Variants in INPP4B observed in about 807,000 individuals in gnomAD.
INPP4B encodes the protein inositol polyphosphate 4-phosphatase type II.
INPP4B carries 55 observed loss-of-function variants against 122.5 expected under a neutral mutation model. That is an observed-to-expected ratio of 0.45 (90% CI 0.36 to 0.56). The LOEUF is 0.56. INPP4B is among the 20% of genes least tolerant of loss of function. The pLI is 0.00. For missense variants in INPP4B, 1,000 were observed against 1,097.7 expected, an observed-to-expected ratio of 0.91 and a Z score of 1.26; for synonymous variants, 403 against 388.7, an observed-to-expected ratio of 1.04 and a Z score of -0.43.
At chr4:142,720,817 A>G in intron 2 of INPP4B, among the ~76,000 whole-genome samples, 1 of 98,640 alleles carries the variant, frequency 1.0e-5, no homozygotes, top group Non-Finnish European at 2.0e-5. Context: ...CTCTATATAT[A>G]TATATATATA....
At chr4:142,541,764 A>G (rs1156332236) in intron 2 of INPP4B, among the ~76,000 whole-genome samples, 4 of 151,976 alleles carry the variant, frequency 2.6e-5, no homozygotes, top group Non-Finnish European at 5.9e-5. Context: ...CTCCTATATC[A>G]TGCTTGGCTT....
At chr4:142,158,541 T>A (rs1235464583) in intron 17 of INPP4B, among the ~76,000 whole-genome samples, 1 of 152,150 alleles carries the variant, frequency 6.6e-6, no homozygotes, top group Non-Finnish European at 1.5e-5. Flanking sequence ...CATAAGACAG[T>A]TCTGGACGTA....
chr4:142,172,575 C>T (rs988508041), intron 16 of INPP4B, among the ~76,000 whole-genome samples: 4 of 151,822 alleles, frequency 2.6e-5, no homozygotes, highest in African/African-American at 4.8e-5. Context: ...ACAATTCACT[C>T]GAACTTTCTG....
At chr4:142,420,511 T>A (rs567289069) in intron 5 of INPP4B, among the ~76,000 whole-genome samples, 3 of 152,236 alleles carry the variant, frequency 2.0e-5, no homozygotes, top group Admixed American at 2.0e-4. Flanking sequence ...CCGACAGATG[T>A]GTAAAGAAGC....
chr4:142,134,576 A>G (rs1043371568), intron 18 of INPP4B, among the ~76,000 whole-genome samples: 4 of 152,142 alleles, frequency 2.6e-5, no homozygotes, highest in Non-Finnish European at 4.4e-5. Flanking sequence ...CGGGCAGATC[A>G]CCTGAGGTCG....
intron 1 of INPP4B, among the ~76,000 whole-genome samples, chr4:142,806,770 AGAAAGAAAGAAAGAAGGAAAG>A (rs1778821195): frequency 1.2e-5 from 1 of 86,950 alleles, no homozygotes; most frequent in Non-Finnish European, 2.6e-5. Context: ...GAAAGAAGAA[AGAAAGAAAGAAAGAAGGAAAG>A]AAAGAAAGAA....
intron 7 of INPP4B, among the ~76,000 whole-genome samples, chr4:142,340,756 T>A (rs1778430941): frequency 6.6e-6 from 1 of 152,074 alleles, no homozygotes; most frequent in African/African-American, 2.4e-5. Context: ...AACCTCGGCT[T>A]TATTCTTCCC....
chr4:142,227,000 A>C (rs1389111613), intron 12 of INPP4B, among the ~76,000 whole-genome samples: 1 of 150,388 alleles, frequency 6.6e-6, no homozygotes, highest in Non-Finnish European at 1.5e-5. Context: ...CTGCAAGACA[A>C]ACAAACAGAA....
intron 14 of INPP4B, among the ~76,000 whole-genome samples, chr4:142,194,420 T>C (rs1212387663): frequency 6.6e-6 from 1 of 152,168 alleles, no homozygotes; most frequent in African/African-American, 2.4e-5. Flanking sequence ...TTTCAGGGTG[T>C]CCAAGAATGT....
At chr4:142,277,184 T>C (rs1486376137) in intron 9 of INPP4B, among the ~76,000 whole-genome samples, 2 of 151,886 alleles carry the variant, frequency 1.3e-5, no homozygotes, top group Admixed American at 6.6e-5. Context: ...ATTGTTCTTT[T>C]TTTTTTTTCT....
At chr4:142,273,359 G>A (rs1746812855) in intron 9 of INPP4B, among the ~76,000 whole-genome samples, 1 of 151,840 alleles carries the variant, frequency 6.6e-6, no homozygotes, top group Admixed American at 6.6e-5. Context: ...ATCGATATCT[G>A]AGACTATAGT....
chr4:142,388,008 G>A (rs1295591006), intron 7 of INPP4B, among the ~76,000 whole-genome samples: 2 of 152,176 alleles, frequency 1.3e-5, no homozygotes, highest in African/African-American at 2.4e-5. Flanking sequence ...TAATGTCTGT[G>A]CGACCTTTAT....
chr4:142,119,955 T>C lies in INPP4B; in HGVS notation c.2135+2173A>G, dbSNP rs1005646153. 5.8e-4 allele frequency among the ~76,000 whole-genome samples: 88 copies of C among 151,724 alleles called. 1 individual carries two copies. Among genetic ancestry groups the C allele is most frequent in the Non-Finnish European group, 1.0e-4 (7 of 67,872 alleles). On this transcript the variant is annotated intron_variant, in intron 21 of 25. Coordinates refer to ENST00000262992, the MANE Select transcript of INPP4B (RefSeq NM_001101669.3). ...CTAAACCCAACTTACAAATATTTCC[T>C]TCTGAGTTTTCTTCTAGAAGTTTCA...
At chr4:142,094,248 C>G (rs775078953) in intron 23 of INPP4B, among the ~76,000 whole-genome samples, 1 of 152,160 alleles carries the variant, frequency 6.6e-6, no homozygotes, top group Non-Finnish European at 1.5e-5. Context: ...GGGCTTTACA[C>G]AAATCCCCAG....
At chr4:142,694,375 A>G (rs36101393) in intron 2 of INPP4B, among the ~76,000 whole-genome samples, 16,352 of 151,554 alleles carry the variant, frequency 0.11, 862 homozygotes, top group African/African-American at 0.13. Flanking sequence ...TCGTCTCAAA[A>G]AAAAAAAACA....
At chr4:142,494,235 T>A (rs956993885) in intron 2 of INPP4B, among the ~76,000 whole-genome samples, 4 of 152,170 alleles carry the variant, frequency 2.6e-5, no homozygotes, top group Non-Finnish European at 4.4e-5. Flanking sequence ...GAAAACAGAC[T>A]AATACATGAC....
intron 12 of INPP4B, among the ~76,000 whole-genome samples, chr4:142,211,510 C>G (rs571418854): frequency 2.7e-4 from 41 of 152,144 alleles, no homozygotes; most frequent in African/African-American, 9.6e-4. Context: ...CTAGGACAAC[C>G]ACAAGGAAGT....
intron 1 of INPP4B, among the ~76,000 whole-genome samples, chr4:142,733,409 A>C (rs755885435): frequency 6.6e-6 from 1 of 152,194 alleles, no homozygotes; most frequent in African/African-American, 2.4e-5. Context: ...GAATATATAC[A>C]ATAAACTTTC....
rs1348876890 is a variant in INPP4B, at chr4:142,119,702, G to A, written c.2135+2426C>T. Among the ~76,000 whole-genome samples the A allele has an allele frequency of 8.6e-5, 13 of 151,714 alleles. No individual in the cohort carries two copies. The East Asian group carries it at 2.1e-3, about 25-fold the overall frequency. ...AGGAGATATACCTAATGTAAATGAC[G>A]AGTTTATGGGTGCGGCACACCAACA... is the stretch of plus-strand genomic sequence containing the variant. On this transcript the variant is annotated intron_variant, in intron 21 of 25. Transcript: ENST00000262992.
Sources: allele counts gnomAD v4.1 joint callset (sites outside exome capture counted in the v4.1 genomes callset), GRCh38; gene constraint gnomAD v4.1.1; transcripts MANE v1.5; gene names NCBI Gene and HGNC (gene_info 2026-07-23, HGNC 2026-07-21).